GALNT17: variants seen among roughly 807,000 people sequenced by gnomAD.
GALNT17 encodes the protein polypeptide N-acetylgalactosaminyltransferase 17, also known as UDP-GalNAc:polypeptide N-acetylgalactosaminyltransferase-like 3.
In GALNT17, 29 loss-of-function variants were observed where a neutral mutation model predicts 63.7. The observed-to-expected ratio is 0.46, with a 90% confidence interval of 0.34 to 0.62. The LOEUF (loss-of-function observed/expected upper bound fraction) is 0.62. Among genes scored for constraint, GALNT17 ranks in the 20% least tolerant of loss-of-function variants. The pLI, the probability that GALNT17 is intolerant of heterozygous loss-of-function variation, is 0.01. For synonymous variants in GALNT17, 305 were observed against 318.3 expected (o/e 0.96, Z 0.45); for missense variants, 603 against 799.6 (o/e 0.75, Z 2.97).
chr7:71,342,084 T>C (rs1225985691), intron 2 of GALNT17, among the ~76,000 whole-genome samples: 1 of 152,220 alleles, frequency 6.6e-6, no homozygotes. Flanking sequence ...CTGATTGTGT[T>C]AGGCCATTGT....
chr7:71,275,859 G>T (rs1417843975), intron 1 of GALNT17, among the ~76,000 whole-genome samples: 1 of 152,094 alleles, frequency 6.6e-6, no homozygotes, highest in Non-Finnish European at 1.5e-5. Flanking sequence ...TCTTTGTCCT[G>T]ACTCTTGGAG....
At chr7:71,603,083 C>T (rs1789990423) in intron 6 of GALNT17, among the ~76,000 whole-genome samples, 1 of 151,160 alleles carries the variant, frequency 6.6e-6, no homozygotes, top group Admixed American at 6.6e-5. Context: ...GTGCATACAC[C>T]AGGTACTATG....
At chr7:71,278,068 C>T (rs1382754568) in intron 1 of GALNT17, among the ~76,000 whole-genome samples, 1 of 152,020 alleles carries the variant, frequency 6.6e-6, no homozygotes, top group Non-Finnish European at 1.5e-5. Context: ...GATGTGTGCC[C>T]AGGAGAGGGT....
intron 6 of GALNT17, among the ~76,000 whole-genome samples, chr7:71,648,896 C>A (rs1288263189): frequency 6.6e-6 from 1 of 152,350 alleles, no homozygotes; most frequent in Middle Eastern, 3.4e-3. Flanking sequence ...TGCTGTGACT[C>A]CAGGACTATC....
In GALNT17 at chr7:71,635,161, C is replaced by G. The variant is rs537740261; in HGVS notation, c.1081-30250C>G. ...GGCAGAGGTTGCAGTGAGCCGAGAT[C>G]TCGCTACTGCACTCCAGCCTGGGTG... On this transcript the variant is annotated intron_variant, in intron 6 of 10. Transcript: ENST00000333538. 4.1e-5 allele frequency among the ~76,000 whole-genome samples: 6 copies of G among 146,950 alleles called. No homozygotes were observed. The East Asian group carries it at 1.2e-3, about 30-fold the overall frequency.
intron 6 of GALNT17, among the ~76,000 whole-genome samples, chr7:71,642,815 A>G (rs1416831507): frequency 6.6e-6 from 1 of 150,990 alleles, no homozygotes; most frequent in African/African-American, 2.4e-5. Flanking sequence ...AGCCTGGGCA[A>G]TGGAGTGAGA....
chr7:71,313,636 T>TA (rs1175976573), intron 1 of GALNT17, among the ~76,000 whole-genome samples: 1 of 152,190 alleles, frequency 6.6e-6, no homozygotes, highest in African/African-American at 2.4e-5. Context: ...TTTTTGACCT[T>TA]AAAAAATGGT....
At chr7:71,457,770 C>T (rs1350434235) in intron 5 of GALNT17, among the ~76,000 whole-genome samples, 1 of 152,162 alleles carries the variant, frequency 6.6e-6, no homozygotes, top group East Asian at 1.9e-4. Context: ...TTTTGATCAA[C>T]AAAGTTTTTA....
intron 1 of GALNT17, among the ~76,000 whole-genome samples, chr7:71,241,799 G>A (rs1392131677): frequency 1.3e-5 from 2 of 152,140 alleles, no homozygotes; most frequent in Non-Finnish European, 2.9e-5. Flanking sequence ...TGAGGCAGGA[G>A]GATTGCTTGA....
chr7:71,321,644 G>A lies in GALNT17; in HGVS notation c.239-13906G>A, dbSNP rs535472616. On this transcript the variant is annotated intron_variant, in intron 1 of 10. Transcript: ENST00000333538. ...TTTTTTTGAGACTGAGTCTTGCTCTGTCACGCAGGCTGGAGTGCAGTGGTG... is the reference window on the plus strand; with the variant it reads ...TTTTTTTGAGACTGAGTCTTGCTCTATCACGCAGGCTGGAGTGCAGTGGTG... 8.6e-5 allele frequency among the ~76,000 whole-genome samples: 9 copies of A among 104,652 alleles called. No homozygotes were observed. In the South Asian group the frequency reaches 2.3e-3, roughly 27 times the overall value. 68.7% of individuals were successfully genotyped at this position (104,652 alleles called of 152,430 possible). A position where few individuals can be genotyped will look rare whatever the true frequency, so the allele number is the denominator to read the frequency against.
intron 5 of GALNT17, among the ~76,000 whole-genome samples, chr7:71,510,724 T>TTTTA (rs1788342541): frequency 6.6e-6 from 1 of 152,160 alleles, no homozygotes; most frequent in South Asian, 2.1e-4. Flanking sequence ...AAATTGTGCC[T>TTTTA]TTTATTCTTA....
intron 5 of GALNT17, among the ~76,000 whole-genome samples, chr7:71,475,936 C>A (rs1234552470): frequency 1.3e-5 from 2 of 152,142 alleles, no homozygotes; most frequent in Non-Finnish European, 2.9e-5. Context: ...TAAAGTAATT[C>A]ATAGAAAGTA....
chr7:71,644,437 A>C (rs941967538), intron 6 of GALNT17, among the ~76,000 whole-genome samples: 6 of 146,534 alleles, frequency 4.1e-5, no homozygotes, highest in African/African-American at 1.5e-4. Flanking sequence ...TGGGAGGCTG[A>C]GGCAGGAGAA....
chr7:71,132,528 C>A lies in GALNT17; in HGVS notation c.-275C>A. On this transcript the variant is annotated 5_prime_UTR_variant, in exon 1 of 11. Coordinates refer to ENST00000333538, the MANE Select transcript of GALNT17 (RefSeq NM_022479.3). ...TCAAATCCCTGGCCTTTCGCGGAGACGCCTGGACGGGGCCGTGCGCCGTGG... is the reference window on the plus strand; with the variant it reads ...TCAAATCCCTGGCCTTTCGCGGAGAAGCCTGGACGGGGCCGTGCGCCGTGG... The A allele has an allele frequency of 2.3e-6, 1 of 434,726 alleles. No homozygotes were observed. The allele number at this position is 434,726 out of a possible 1,614,324, so 26.9% of individuals were successfully genotyped here. A position where few individuals can be genotyped will look rare whatever the true frequency, so the allele number is the denominator to read the frequency against.
At chr7:71,379,744 G>T (rs1292778210) in intron 2 of GALNT17, among the ~76,000 whole-genome samples, 1 of 152,114 alleles carries the variant, frequency 6.6e-6, no homozygotes, top group Non-Finnish European at 1.5e-5. Context: ...AATTTGGGAT[G>T]TTTATGAGCG....
At chr7:71,672,465 T>A (rs2117058974) in intron 8 of GALNT17, among the ~76,000 whole-genome samples, 1 of 152,312 alleles carries the variant, frequency 6.6e-6, no homozygotes, top group Middle Eastern at 3.4e-3. Context: ...GTACATCAAC[T>A]GAGTAGAGAA....
chr7:71,315,782 CAT>C (rs1311724763), intron 1 of GALNT17, among the ~76,000 whole-genome samples: 1 of 152,102 alleles, frequency 6.6e-6, no homozygotes. Context: ...TGCTGTGAAA[CAT>C]AGAGTCTGTG....
At chr7:71,387,801 C>G (rs753157683) in intron 2 of GALNT17, among the ~76,000 whole-genome samples, 104 of 152,196 alleles carry the variant, frequency 6.8e-4, no homozygotes, top group Non-Finnish European at 1.1e-3. Flanking sequence ...CAGGTAGATG[C>G]AGGTAGACAT....
intron 6 of GALNT17, among the ~76,000 whole-genome samples, chr7:71,580,011 GAT>G (rs1789607008): frequency 6.6e-6 from 1 of 152,032 alleles, no homozygotes; most frequent in South Asian, 2.1e-4. Flanking sequence ...AGGTAATAGA[GAT>G]ATAGACGATA....
Sources: gnomAD v4.1 joint callset for allele counts (sites outside exome capture counted in the v4.1 genomes callset) on GRCh38, gnomAD v4.1.1 for gene constraint, MANE v1.5 for transcripts, NCBI Gene and HGNC (gene_info 2026-07-23, HGNC 2026-07-21) for gene names.